ERBIN: variants seen among roughly 807,000 people sequenced by gnomAD.
ERBIN encodes the protein erbb2 interacting protein, also known as densin-180-like protein.
A neutral mutation model predicts 158.4 loss-of-function variants in ERBIN; 60 were observed. That is an observed-to-expected ratio of 0.38 (90% CI 0.31 to 0.47). The LOEUF (loss-of-function observed/expected upper bound fraction) is 0.47. Among genes scored for constraint, ERBIN ranks in the 20% least tolerant of loss-of-function variants. The pLI is 0.99. For synonymous variants in ERBIN, 594 were observed against 557.2 expected (o/e 1.07, Z -0.93); for missense variants, 1,610 against 1,648.0 (o/e 0.98, Z 0.40).
intron 1 of ERBIN, among the ~76,000 whole-genome samples, chr5:65,977,841 C>A (rs977215375): frequency 6.6e-6 from 1 of 152,134 alleles, no homozygotes; most frequent in African/African-American, 2.4e-5. Flanking sequence ...GCCGAGATCA[C>A]GCCACTGCAC....
At position 66,054,349 on chromosome 5, in the gene ERBIN, C is replaced by T. The variant is rs1228818631; in HGVS notation, c.3031C>T (p.Pro1011Ser). The change falls in exon 21 of 26, where the codon CCT becomes TCT. Residue 1011 changes from proline to serine, a missense_variant. Physicochemically the swap from Pro to Ser is moderately conservative, Grantham distance 74. Transcript: ENST00000284037. ...DHASFPPQLL[P>S]RSESTENQSY... is the part of the protein sequence containing the mutation. ...TGCCAGTTTTCCTCCTCAGCTCCTT[C>T]CTAGATCAGAGAGCACAGAAAATCA... The T allele has an allele frequency of 1.9e-6, 3 of 1,614,126 alleles. No homozygotes were observed. The highest frequency in any genetic ancestry group is 8.5e-7 in the Non-Finnish European group (1 of 1,180,022).
At chr5:66,062,188 G>A (rs1304550254) in intron 21 of ERBIN, among the ~76,000 whole-genome samples, 2 of 152,186 alleles carry the variant, frequency 1.3e-5, no homozygotes, top group African/African-American at 4.8e-5. Context: ...CCAGTGAGAC[G>A]TAGATTTGGT....
intron 15 of ERBIN, among the ~76,000 whole-genome samples, chr5:66,041,406 C>T (rs373969516): frequency 1.3e-5 from 2 of 152,030 alleles, no homozygotes; most frequent in East Asian, 1.9e-4. Context: ...ACATTGACAT[C>T]ATTCAGGATA....
At chr5:65,940,865 G>C (rs961632726) in intron 1 of ERBIN, among the ~76,000 whole-genome samples, 1 of 152,134 alleles carries the variant, frequency 6.6e-6, no homozygotes, top group Non-Finnish European at 1.5e-5. Flanking sequence ...GCGGTTTTGT[G>C]GAATAGAAAG....
chr5:66,063,790 A>G (rs1392202763), intron 21 of ERBIN, among the ~76,000 whole-genome samples: 1 of 152,220 alleles, frequency 6.6e-6, no homozygotes, highest in Non-Finnish European at 1.5e-5. Flanking sequence ...ATGATCTTGA[A>G]TAATTTTCTG....
chr5:66,068,409 A>G (rs1048446516), intron 21 of ERBIN, among the ~76,000 whole-genome samples: 1 of 152,176 alleles, frequency 6.6e-6, no homozygotes, highest in African/African-American at 2.4e-5. Flanking sequence ...TTTGTTTAAT[A>G]TGTTAGAATT....
At chr5:65,978,534 G>A (rs959720312) in intron 1 of ERBIN, among the ~76,000 whole-genome samples, 3 of 152,230 alleles carry the variant, frequency 2.0e-5, no homozygotes, top group Admixed American at 2.0e-4. Context: ...TTAGTGATCT[G>A]AATTTCAGAA....
At chr5:66,007,187 C>T (rs1202134652) in intron 4 of ERBIN, among the ~76,000 whole-genome samples, 7 of 152,086 alleles carry the variant, frequency 4.6e-5, no homozygotes, top group Non-Finnish European at 1.0e-4. Context: ...GGCACATATA[C>T]ACCATGGAAT....
chr5:66,052,251 G>C, intron 20 of ERBIN, among the ~76,000 whole-genome samples: 1 of 151,728 alleles, frequency 6.6e-6, no homozygotes, highest in Non-Finnish European at 1.5e-5. Flanking sequence ...TTTAATGTGT[G>C]GATATTTTTA....
chr5:65,988,494 A>C (rs752375661), intron 1 of ERBIN, 141 bp from the exon 2 acceptor site: 3 of 152,126 alleles, frequency 2.0e-5, no homozygotes, highest in Non-Finnish European at 2.9e-5. Flanking sequence ...ATTTGGTCTT[A>C]ACTGTTTTCA....
chr5:66,024,355 A>G lies in ERBIN; in HGVS notation c.722A>G (p.Asn241Ser). 6.3e-7 allele frequency: 1 copy of G among 1,590,056 alleles called. No homozygotes were observed. The highest frequency in any genetic ancestry group is 8.6e-7 in the Non-Finnish European group (1 of 1,164,044). Residue 241 changes from asparagine to serine, a missense_variant, in exon 10 of 26, where the codon AAT (asparagine) becomes AGT (serine). Transcript: ENST00000284037. ...QLTYLDVSKN[N>S]IEMVEEGIST... ...ACATATTTGGATGTTTCTAAAAATA[A>G]TATTGAAATGGTTGAAGAAGGAATT...
At chr5:66,078,358 A>C in intron 25 of ERBIN, 65 bp from the exon 26 acceptor site, 1 of 1,003,822 alleles carries the variant, frequency 1.0e-6, no homozygotes, top group Non-Finnish European at 1.5e-6. Context: ...TTTGTGAACT[A>C]CTTGGCAGAA....
Position 66,023,257 on chromosome 5 carries a change from A to C in ERBIN, c.598-33A>C, listed in dbSNP as rs369047219. ...TAAAGACATTCATAAAAATTAATTG[A>C]ATTACTGCTATCCCCTACCCTAATC... On this transcript the variant is annotated intron_variant, in intron 8 of 25. Coordinates refer to ENST00000284037, the MANE Select transcript of ERBIN (RefSeq NM_001253697.2). 8.6e-6 allele frequency: 13 copies of C among 1,515,758 alleles called. No individual in the cohort carries two copies. The African/African-American group carries it at 1.2e-4, about 14-fold the overall frequency. 93.9% of individuals were successfully genotyped at this position (1,515,758 alleles called of 1,614,324 possible).
At chr5:65,930,172 T>G (rs1209741498) in intron 1 of ERBIN, among the ~76,000 whole-genome samples, 1 of 152,324 alleles carries the variant, frequency 6.6e-6, no homozygotes, top group South Asian at 2.1e-4. Flanking sequence ...GTTTATCACC[T>G]CAAAAAACTG....
intron 1 of ERBIN, among the ~76,000 whole-genome samples, chr5:65,937,746 A>G (rs1183446326): frequency 4.6e-5 from 7 of 152,148 alleles, no homozygotes; most frequent in Admixed American, 4.6e-4. Context: ...GTCTCTACTA[A>G]AAATACAAAA....
chr5:66,081,826 A>G lies in ERBIN; in HGVS notation c.*3296A>G, dbSNP rs1215006827. The G allele has an allele frequency of 6.6e-6, 1 of 152,016 alleles. No homozygotes were observed. The highest frequency in any genetic ancestry group is 1.5e-5 in the Non-Finnish European group (1 of 67,950). 9.4% of individuals were successfully genotyped at this position (152,016 alleles called of 1,614,324 possible). Reference sequence around the variant, plus strand: ...TTAATGTTCAGTGAATAGGTTTCTTATGAAATGGACATTGAAATAAAAATT... The same window carrying G: ...TTAATGTTCAGTGAATAGGTTTCTTGTGAAATGGACATTGAAATAAAAATT... On this transcript the variant is annotated 3_prime_UTR_variant, in exon 26 of 26. Coordinates refer to ENST00000284037, the MANE Select transcript of ERBIN (RefSeq NM_001253697.2).
chr5:66,027,478 G>A (rs1294050441), intron 13 of ERBIN, among the ~76,000 whole-genome samples: 5 of 151,890 alleles, frequency 3.3e-5, no homozygotes, highest in Non-Finnish European at 7.4e-5. Context: ...GTATTTGTGG[G>A]TTCTGCAAGT....
intron 1 of ERBIN, among the ~76,000 whole-genome samples, chr5:65,968,248 A>G (rs1184224278): frequency 6.6e-6 from 1 of 152,216 alleles, no homozygotes; most frequent in Non-Finnish European, 1.5e-5. Context: ...AGAAGGTATC[A>G]TGATGGGGAG....
At chr5:66,019,798 T>C (rs192873638) in intron 7 of ERBIN, among the ~76,000 whole-genome samples, 107 of 152,298 alleles carry the variant, frequency 7.0e-4, no homozygotes, top group African/African-American at 2.6e-3. Context: ...CCATTGACAT[T>C]ATGTGCTCAA....
Sources: allele counts gnomAD v4.1 joint callset (sites outside exome capture counted in the v4.1 genomes callset), GRCh38; gene constraint gnomAD v4.1.1; transcripts MANE v1.5; gene names NCBI Gene and HGNC (gene_info 2026-07-23, HGNC 2026-07-21).